EPS15L1: variants seen among roughly 807,000 people sequenced by gnomAD.
The protein encoded by EPS15L1 is epidermal growth factor receptor pathway substrate 15 like 1, also known as epidermal growth factor receptor substrate 15-like 1.
A neutral mutation model predicts 117.1 loss-of-function variants in EPS15L1; 43 were observed. The observed-to-expected ratio is 0.37, with a 90% CI of 0.29 to 0.47. The LOEUF (loss-of-function observed/expected upper bound fraction) is 0.47, where lower values mean the gene tolerates loss of function less well. Among genes scored for constraint, EPS15L1 ranks in the 20% least tolerant of loss-of-function variants. EPS15L1 has a pLI of 0.99. For synonymous variants in EPS15L1, 459 were observed against 470.5 expected (o/e 0.98, Z 0.32); for missense variants, 981 against 1,164.0 (o/e 0.84, Z 2.29).
intron 13 of EPS15L1, among the ~76,000 whole-genome samples, chr19:16,406,113 G>A (rs140521600): frequency 6.3e-4 from 96 of 152,258 alleles, no homozygotes; most frequent in African/African-American, 2.0e-3. Context: ...TGGGCTGCTG[G>A]GGTGGCTGGT....
chr19:16,389,346 T>C (rs920422413), intron 19 of EPS15L1, among the ~76,000 whole-genome samples: 1 of 151,700 alleles, frequency 6.6e-6, no homozygotes, highest in Non-Finnish European at 1.5e-5. Flanking sequence ...CCCAGCAACT[T>C]GGGAGGATGA....
At position 16,355,855 on chromosome 19, in the gene EPS15L1, CA is replaced by C; in HGVS notation, c.2587-5del. 6.5e-7 allele frequency: 1 copy of C among 1,535,312 alleles called. No homozygotes were observed. The highest frequency in any genetic ancestry group is 8.7e-7 in the Non-Finnish European group (1 of 1,146,354). On this transcript the variant is annotated splice_polypyrimidine_tract_variant and splice_region_variant and intron_variant, in intron 23 of 23. Transcript: ENST00000455140. ...GCTGCTGCTCCTCATTGCCAAACTGCAAAGGAAAAACGGAGAGTGGGTGATG... is the reference window on the plus strand; with the variant it reads ...GCTGCTGCTCCTCATTGCCAAACTGCAAGGAAAAACGGAGAGTGGGTGATG...
At chr19:16,379,997 A>G (rs1005281479) in intron 21 of EPS15L1, among the ~76,000 whole-genome samples, 6 of 152,006 alleles carry the variant, frequency 3.9e-5, no homozygotes, top group African/African-American at 1.4e-4. Context: ...AGTCACACCA[A>G]TGCAGCTGTC....
intron 21 of EPS15L1, among the ~76,000 whole-genome samples, chr19:16,378,150 G>A (rs1824712366): frequency 6.6e-6 from 1 of 152,002 alleles, no homozygotes; most frequent in South Asian, 2.1e-4. Context: ...GTAGAGACAG[G>A]GAGGCGGGTG....
intron 16 of EPS15L1, among the ~76,000 whole-genome samples, chr19:16,398,187 G>A (rs1482588636): frequency 6.6e-6 from 1 of 152,238 alleles, no homozygotes. Context: ...CTGTGAATGA[G>A]TGTGAATCAG....
In EPS15L1 at chr19:16,418,065, T is replaced by C. The variant is rs769794342; in HGVS notation, c.990A>G (p.Lys330=). 6.2e-7 allele frequency: 1 copy of C among 1,614,188 alleles called. No homozygotes were observed. Among genetic ancestry groups the C allele is most frequent in the South Asian group, 1.1e-5 (1 of 91,086 alleles). The part of the protein sequence containing the change: ...ADTRQTGKLS[K]DQFALAMYFI... ...AATACATAGCTAACGCGAATTGGTC[T>C]TTGCTTAACTTCCCCGTTTGCCTCG... is the stretch of plus-strand genomic sequence containing the variant. The change falls in exon 11 of 24, where the codon AAA becomes AAG. Residue 330 remains lysine, a synonymous_variant. Transcript: ENST00000455140.
At position 16,405,399 on chromosome 19, in the gene EPS15L1, G is replaced by A. The variant is rs73931912; in HGVS notation, c.1267-650C>T. 0.033 allele frequency among the ~76,000 whole-genome samples: 5,019 copies of A among 152,274 alleles called. 301 individuals carry two copies. The highest frequency in any genetic ancestry group is 0.12 in the African/African-American group (4,808 of 41,538). ...GGTGGGATGTGTGAGTGTGGGAGGC[G>A]GGACATCATGATTCTGTTTCTGAAG... On this transcript the variant is annotated intron_variant, in intron 13 of 23. Coordinates refer to ENST00000455140, the MANE Select transcript of EPS15L1 (RefSeq NM_001258374.3). The surrounding 1 kb of genome is among the most constrained non-coding windows in gnomAD (Gnocchi z 4.0).
chr19:16,466,493 G>A (rs2093306721), intron 1 of EPS15L1, among the ~76,000 whole-genome samples: 4 of 152,090 alleles, frequency 2.6e-5, no homozygotes, highest in Admixed American at 2.6e-4. Flanking sequence ...AACGATGTCA[G>A]CCCCGTGAGG....
At chr19:16,413,026 C>T in intron 13 of EPS15L1, 1 of 736,302 alleles carries the variant, frequency 1.4e-6, no homozygotes, top group Non-Finnish European at 2.4e-6. Flanking sequence ...AAGATTATGC[C>T]AGTGCAGAAA....
At chr19:16,438,826 T>C (rs1184635663) in intron 4 of EPS15L1, among the ~76,000 whole-genome samples, 2 of 152,092 alleles carry the variant, frequency 1.3e-5, no homozygotes, top group Non-Finnish European at 2.9e-5. Flanking sequence ...TGGCTATGTG[T>C]TGAATTTTTT....
intron 13 of EPS15L1, among the ~76,000 whole-genome samples, chr19:16,408,886 G>A (rs2092681777): frequency 6.6e-6 from 1 of 152,138 alleles, no homozygotes; most frequent in Non-Finnish European, 1.5e-5. Context: ...TCCTTGACAA[G>A]GATGCTAGGG....
chr19:16,396,122 T>G (rs997104078), intron 16 of EPS15L1, among the ~76,000 whole-genome samples: 1 of 152,014 alleles, frequency 6.6e-6, no homozygotes, highest in African/African-American at 2.4e-5. Flanking sequence ...AAAAAATTAA[T>G]TAAAGATCAT....
chr19:16,387,618 A>T (rs1478817974), intron 19 of EPS15L1, among the ~76,000 whole-genome samples: 2 of 151,738 alleles, frequency 1.3e-5, no homozygotes, highest in African/African-American at 4.8e-5. Context: ...AAAAATAAAT[A>T]AGCCAGGCTT....
rs765190445 is a variant in EPS15L1 at position 16,402,413 on chromosome 19, C to G, written c.1699G>C (p.Val567Leu). 1 of 1,614,104 alleles carries G rather than the reference C, an allele frequency of 6.2e-7. No individual in the cohort carries two copies. The highest frequency in any genetic ancestry group is 2.2e-5 in the East Asian group (1 of 44,864). The part of the protein sequence containing the change: ...AHRSLEQYDQ[V>L]LDGAHGASLT... Reference sequence around the variant, plus strand: ...CTGGCACCATGGGCTCCATCGAGCACCTGGTCATACTGCTCCAGGCTCCTG... The same window carrying G: ...CTGGCACCATGGGCTCCATCGAGCAGCTGGTCATACTGCTCCAGGCTCCTG... The change falls in exon 16 of 24, where the codon GTG becomes CTG. Residue 567 changes from valine to leucine, a missense_variant. By Grantham distance (32) the Val-to-Leu change is conservative (BLOSUM62 1). Around this residue, in one of 5 missense-constraint regions of EPS15L1, gnomAD observed 819 missense variants for 949.0 expected, o/e 0.86. Coordinates refer to ENST00000455140, the MANE Select transcript of EPS15L1 (RefSeq NM_001258374.3).
chr19:16,465,023 G>A (rs1207634663), intron 1 of EPS15L1, among the ~76,000 whole-genome samples: 1 of 151,284 alleles, frequency 6.6e-6, no homozygotes, highest in African/African-American at 2.4e-5. Flanking sequence ...AGCTTGCAGT[G>A]AGCCGAAATT....
intron 12 of EPS15L1, among the ~76,000 whole-genome samples, chr19:16,415,754 G>A (rs1237285918): frequency 6.6e-6 from 1 of 152,194 alleles, no homozygotes; most frequent in South Asian, 2.1e-4. Flanking sequence ...AAGGCTTCTG[G>A]CTGTCTGAGG....
intron 16 of EPS15L1, among the ~76,000 whole-genome samples, chr19:16,398,996 T>G (rs1294297572): frequency 1.3e-5 from 2 of 151,048 alleles, no homozygotes; most frequent in African/African-American, 2.4e-5. Flanking sequence ...TTTATAAGGT[T>G]TTTTTTTTTC....
intron 13 of EPS15L1, among the ~76,000 whole-genome samples, chr19:16,406,174 T>C (rs1023485416): frequency 6.6e-6 from 1 of 152,096 alleles, no homozygotes; most frequent in East Asian, 1.9e-4. Flanking sequence ...CTCTCCTCAC[T>C]ATGGGGACAA....
chr19:16,404,438 T>A lies in EPS15L1; in HGVS notation c.1428+150A>T. The A allele has an allele frequency of 1.1e-6, 1 of 873,030 alleles. No homozygotes were observed. The highest frequency in any genetic ancestry group is 1.7e-5 in the African/African-American group (1 of 59,438). 54.1% of individuals were successfully genotyped at this position (873,030 alleles called of 1,614,324 possible). A position where few individuals can be genotyped will look rare whatever the true frequency, so the allele number is the denominator to read the frequency against. On this transcript the variant is annotated intron_variant, in intron 14 of 23. Coordinates refer to ENST00000455140, the MANE Select transcript of EPS15L1 (RefSeq NM_001258374.3). The surrounding 1 kb of genome is among the most constrained non-coding windows in gnomAD (Gnocchi z 4.2). The stretch of plus-strand genomic sequence containing the variant: ...GCCAGGAAGTCAAGCCACAGGTGCT[T>A]GGACACTTTTCCACGTGGTGTTTGG...
Sources: gnomAD v4.1 joint callset for allele counts (sites outside exome capture counted in the v4.1 genomes callset) on GRCh38, gnomAD v4.1.1 for gene constraint, gnomAD v4.1.1 regional missense constraint, Gnocchi (gnomAD v3.1) non-coding constraint, MANE v1.5 for transcripts, NCBI Gene and HGNC (gene_info 2026-07-23, HGNC 2026-07-21) for gene names.